DUSP15: variants seen among roughly 807,000 people sequenced by gnomAD.
DUSP15 encodes the protein dual specificity protein phosphatase 15.
Under a neutral mutation model 26.3 loss-of-function variants are expected in DUSP15, and 23 were observed. The ratio of observed to expected loss-of-function variants is 0.87; its 90% CI spans 0.63 to 1.24. The LOEUF is 1.24. DUSP15 is among the 50% of genes most tolerant of loss of function. The pLI is 0.00. For missense variants in DUSP15, 364 were observed against 320.6 expected (o/e 1.14, Z -1.03); for synonymous variants, 143 against 135.5 (o/e 1.06, Z -0.39).
downstream of DUSP15, among the ~76,000 whole-genome samples, chr20:31,858,906 C>T (rs1457731251): frequency 6.6e-6 from 1 of 152,172 alleles, no homozygotes; most frequent in Non-Finnish European, 1.5e-5. The surrounding 1 kb of genome is among the most constrained non-coding windows in gnomAD (Gnocchi z 4.4). Flanking sequence ...TAATGAGTTC[C>T]CCCGTGAGGT....
At chr20:31,865,566 G>C (rs1181465578) in intron 3 of DUSP15, among the ~76,000 whole-genome samples, 1 of 152,164 alleles carries the variant, frequency 6.6e-6, no homozygotes, top group Non-Finnish European at 1.5e-5. Context: ...CGCCTCCTGA[G>C]GACCTCCTTG....
At chr20:31,853,000 G>C (rs1383506881) in intron 6 of DUSP15, among the ~76,000 whole-genome samples, 2 of 152,180 alleles carry the variant, frequency 1.3e-5, no homozygotes, top group African/African-American at 4.8e-5. Flanking sequence ...GGGGCCTTGG[G>C]GGGGCATTTG....
chr20:31,865,103 G>T, intron 3 of DUSP15, 101 bp from the exon 4 acceptor site: 1 of 1,307,308 alleles, frequency 7.6e-7, no homozygotes, highest in Admixed American at 1.8e-5. Context: ...CCCAGTTCCT[G>T]CCCTTCTCTG....
At chr20:31,864,024 C>T (rs1417870100) in intron 4 of DUSP15, 43 bp from the exon 5 acceptor site, 2 of 1,609,634 alleles carry the variant, frequency 1.2e-6, no homozygotes, top group East Asian at 2.2e-5. Context: ...GCAGGGCAGA[C>T]CTCTCAGGAG....
At position 31,870,404 on chromosome 20, in the gene DUSP15, G is replaced by T; in HGVS notation, c.-67C>A. On this transcript the variant is annotated 5_prime_UTR_variant, in exon 1 of 7. Transcript: ENST00000339738. The surrounding 1 kb of genome is among the most constrained non-coding windows in gnomAD (Gnocchi z 6.6). ...CCCGGGAAGCGATCCGGTCACAGCT[G>T]CCCTGACGGCCCAGGCCCGACGCCT... 1.6e-6 allele frequency: 2 copies of T among 1,287,830 alleles called. No homozygotes were observed. Among genetic ancestry groups the T allele is most frequent in the Non-Finnish European group, 2.0e-6 (2 of 1,019,978 alleles). 79.8% of individuals were successfully genotyped at this position (1,287,830 alleles called of 1,614,324 possible).
In DUSP15 at chr20:31,848,305, G is replaced by A. The variant is rs559432860; in HGVS notation, c.*99C>T. ...AGGCCGCGATCCACCTCTGCCGTCCGGCAGACCTGGGTGATGTGCCGGGGG... is the reference window on the plus strand; with the variant it reads ...AGGCCGCGATCCACCTCTGCCGTCCAGCAGACCTGGGTGATGTGCCGGGGG... On this transcript the variant is annotated 3_prime_UTR_variant, in exon 10 of 10. Coordinates refer to the DUSP15 transcript ENST00000278979. The A allele has an allele frequency of 5.5e-5, 76 of 1,376,446 alleles. No homozygotes were observed. The African/African-American group carries it at 7.5e-4, about 14-fold the overall frequency. 85.3% of individuals were successfully genotyped at this position (1,376,446 alleles called of 1,614,324 possible).
chr20:31,848,208 G>A (rs996968383), exon 10 of DUSP15: 45 of 534,500 alleles, frequency 8.4e-5, no homozygotes, highest in Non-Finnish European at 1.3e-4. Context: ...GTTTCCTGCC[G>A]AAGCCCCATG....
chr20:31,853,321 A>G (rs1281572205), intron 6 of DUSP15, among the ~76,000 whole-genome samples: 1 of 152,114 alleles, frequency 6.6e-6, no homozygotes, highest in Non-Finnish European at 1.5e-5. Context: ...AAATCATGGC[A>G]GTGGTTTGCT....
chr20:31,848,589 A>G (rs1383916763), intron 9 of DUSP15: 1 of 1,547,490 alleles, frequency 6.5e-7, no homozygotes, highest in Non-Finnish European at 8.7e-7. Context: ...TGGGGCGATG[A>G]GCAGACCCTC....
chr20:31,846,391 A>G (rs911300265), downstream of DUSP15, among the ~76,000 whole-genome samples: 2 of 151,418 alleles, frequency 1.3e-5, no homozygotes, highest in Non-Finnish European at 2.9e-5. Flanking sequence ...GCCAGAGAGA[A>G]AGGAGATACT....
chr20:31,857,751 C>T (rs1260713797), downstream of DUSP15, among the ~76,000 whole-genome samples: 1 of 152,194 alleles, frequency 6.6e-6, no homozygotes, highest in East Asian at 1.9e-4. Context: ...AGAAAGGAGC[C>T]AGTTTGGAAG....
intron 6 of DUSP15, among the ~76,000 whole-genome samples, chr20:31,855,390 G>A (rs541609359): frequency 6.6e-6 from 1 of 152,306 alleles, no homozygotes; most frequent in Non-Finnish European, 1.5e-5. Flanking sequence ...AATTTGCAAC[G>A]ACAGGATCTA....
downstream of DUSP15, among the ~76,000 whole-genome samples, chr20:31,859,067 C>A (rs926031483): frequency 1.3e-5 from 2 of 152,200 alleles, no homozygotes; most frequent in Non-Finnish European, 2.9e-5. Context: ...GGTAAAAGCC[C>A]TGTTTTAATG....
upstream of DUSP15, chr20:31,870,560 C>T (rs1442721285): frequency 6.8e-7 from 1 of 1,461,722 alleles, no homozygotes; most frequent in Non-Finnish European, 9.0e-7. The surrounding 1 kb of genome is among the most constrained non-coding windows in gnomAD (Gnocchi z 6.6). Flanking sequence ...CCGCCGCCGC[C>T]GCAGGCTCCT....
In DUSP15 at chr20:31,870,493, C is replaced by A. The variant is rs1250126691; in HGVS notation, c.-156G>T. 4.3e-6 allele frequency: 6 copies of A among 1,384,984 alleles called. No individual in the cohort carries two copies. Among genetic ancestry groups the A allele is most frequent in the Non-Finnish European group, 5.6e-6 (6 of 1,073,432 alleles). The allele number at this position is 1,384,984 out of a possible 1,614,324, so 85.8% of individuals were successfully genotyped here. The stretch of plus-strand genomic sequence containing the variant: ...CCTGCCCAGCCCTGCCCAGCCACCG[C>A]CACCGCCCGCCGACCCCCGGCCCGG... On this transcript the variant is annotated 5_prime_UTR_variant, in exon 1 of 7. Transcript: ENST00000339738. This position sits in a 1 kb window ranked among gnomAD's most constrained non-coding sequence, Gnocchi z 6.6.
intron 6 of DUSP15, among the ~76,000 whole-genome samples, chr20:31,851,764 T>G (rs1269882132): frequency 6.6e-6 from 1 of 152,054 alleles, no homozygotes; most frequent in Non-Finnish European, 1.5e-5. Flanking sequence ...ACTCAGCAGG[T>G]CTGACCTGCA....
chr20:31,865,894 G>A (rs2062754158), intron 3 of DUSP15, among the ~76,000 whole-genome samples: 1 of 152,164 alleles, frequency 6.6e-6, no homozygotes, highest in Admixed American at 6.5e-5. Flanking sequence ...TAGGAGCAGA[G>A]ACTCATTGTG....
At chr20:31,850,601 C>A in intron 7 of DUSP15, 4 of 1,608,356 alleles carry the variant, frequency 2.5e-6, no homozygotes, top group Non-Finnish European at 3.4e-6. Flanking sequence ...GAGGGGATTT[C>A]GATTCCTTAC....
chr20:31,858,119 C>T (rs1440333550), downstream of DUSP15, among the ~76,000 whole-genome samples: 2 of 152,204 alleles, frequency 1.3e-5, no homozygotes, highest in South Asian at 2.1e-4. The surrounding 1 kb of genome is among the most constrained non-coding windows in gnomAD (Gnocchi z 4.4). Context: ...CAGTGCTGAG[C>T]GTCTCCAGTC....
Sources: gnomAD v4.1 joint callset for allele counts (sites outside exome capture counted in the v4.1 genomes callset) on GRCh38, gnomAD v4.1.1 for gene constraint, Gnocchi (gnomAD v3.1) non-coding constraint, MANE v1.5 for transcripts, NCBI Gene and HGNC (gene_info 2026-07-23, HGNC 2026-07-21) for gene names.